Variants in LIMS1 observed in about 807,000 individuals in gnomAD.
The protein encoded by LIMS1 is LIM and senescent cell antigen-like-containing domain protein 1.
LIMS1 carries 18 observed loss-of-function variants against 44.1 expected under a neutral mutation model. The ratio of observed to expected loss-of-function variants is 0.41; its 90% confidence interval spans 0.28 to 0.61. LIMS1 has a LOEUF of 0.61. LIMS1 is among the 20% of genes least tolerant of loss of function. The probability of loss-of-function intolerance (pLI) is 0.32; values close to 1 mark genes in which losing one functional copy is unlikely to be tolerated. For synonymous variants in LIMS1, 93 were observed against 149.1 expected (o/e 0.62, Z 2.74); for missense variants, 201 against 422.0 (o/e 0.48, Z 4.59).
chr2:108,564,530 C>T (rs1239905360), intron 1 of LIMS1, among the ~76,000 whole-genome samples: 1 of 152,048 alleles, frequency 6.6e-6, no homozygotes, highest in Non-Finnish European at 1.5e-5. Flanking sequence ...AGTTTAAAAT[C>T]CACAGAGACC....
intron 1 of LIMS1, among the ~76,000 whole-genome samples, chr2:108,619,223 T>A (rs559908185): frequency 1.5e-4 from 23 of 152,340 alleles, no homozygotes; most frequent in African/African-American, 5.3e-4. Context: ...TTACATTTCC[T>A]ATGGAGACAG....
At chr2:108,562,001 C>T (rs185090507) in intron 1 of LIMS1, among the ~76,000 whole-genome samples, 120 of 152,056 alleles carry the variant, frequency 7.9e-4, no homozygotes, top group Admixed American at 1.8e-3. Flanking sequence ...CTTGGCTTCC[C>T]GAAGTGCTGG....
At chr2:108,549,218 GTTGAC>G (rs915762771) in intron 1 of LIMS1, among the ~76,000 whole-genome samples, 2 of 140,746 alleles carry the variant, frequency 1.4e-5, no homozygotes, top group African/African-American at 5.3e-5. Context: ...TAACTTTTCA[GTTGAC>G]TTGACATTAA....
intron 1 of LIMS1, among the ~76,000 whole-genome samples, chr2:108,644,702 G>A (rs1490005819): frequency 2.0e-5 from 3 of 151,976 alleles, no homozygotes; most frequent in Non-Finnish European, 4.4e-5. Context: ...AAACTCCTCC[G>A]AGCTAAAGGA....
At chr2:108,639,514 G>A (rs765222896) in intron 1 of LIMS1, among the ~76,000 whole-genome samples, 4 of 152,168 alleles carry the variant, frequency 2.6e-5, no homozygotes, top group African/African-American at 4.8e-5. Context: ...GCGCAGTTGC[G>A]CCATCTCAGC....
At chr2:108,601,736 C>A (rs936118183) in intron 1 of LIMS1, among the ~76,000 whole-genome samples, 1 of 152,198 alleles carries the variant, frequency 6.6e-6, no homozygotes, top group Non-Finnish European at 1.5e-5. Context: ...AGGCTGGTCT[C>A]GAACTCCTGA....
intron 1 of LIMS1, among the ~76,000 whole-genome samples, chr2:108,548,921 A>G (rs1380364419): frequency 6.6e-6 from 1 of 152,196 alleles, no homozygotes. Flanking sequence ...GCATTACTGG[A>G]GATTAGCTGA....
intron 1 of LIMS1, among the ~76,000 whole-genome samples, chr2:108,573,492 G>A (rs1028091211): frequency 2.6e-5 from 4 of 152,024 alleles, no homozygotes. Context: ...TTTATTTCTA[G>A]GTGATCCTCA....
chr2:108,653,141 C>G (rs1408006111), intron 1 of LIMS1, among the ~76,000 whole-genome samples: 6 of 152,056 alleles, frequency 3.9e-5, no homozygotes, highest in Non-Finnish European at 8.8e-5. Context: ...TGCTTCCAGT[C>G]CTATCTGGTA....
chr2:108,670,702 C>G, intron 2 of LIMS1, 79 bp from the exon 3 acceptor site: 1 of 1,490,802 alleles, frequency 6.7e-7, no homozygotes, highest in South Asian at 1.1e-5. Flanking sequence ...AAACATCTTT[C>G]CTGTATATCT....
intron 1 of LIMS1, among the ~76,000 whole-genome samples, chr2:108,552,874 A>G (rs1260217134): frequency 6.6e-6 from 1 of 152,076 alleles, no homozygotes; most frequent in East Asian, 1.9e-4. Context: ...CACTGTGCCT[A>G]GTCCAATTTA....
At chr2:108,591,307 G>A (rs1380612110) in intron 1 of LIMS1, among the ~76,000 whole-genome samples, 2 of 152,282 alleles carry the variant, frequency 1.3e-5, no homozygotes, top group East Asian at 1.9e-4. Context: ...TGAACATCCT[G>A]TAGCAAAGGA....
chr2:108,588,667 A>G (rs1686220097), intron 1 of LIMS1: 2 of 911,730 alleles, frequency 2.2e-6, no homozygotes, highest in Non-Finnish European at 2.6e-6. Context: ...CTTATGACCT[A>G]CCTTTCTCAG....
At chr2:108,565,872 G>C (rs1685274945) in intron 1 of LIMS1, among the ~76,000 whole-genome samples, 1 of 152,138 alleles carries the variant, frequency 6.6e-6, no homozygotes. Flanking sequence ...AAAGGACGTG[G>C]AAGTTCCCAC....
intron 1 of LIMS1, among the ~76,000 whole-genome samples, chr2:108,653,556 G>C (rs1690646977): frequency 6.6e-6 from 1 of 152,112 alleles, no homozygotes; most frequent in Non-Finnish European, 1.5e-5. Context: ...TGAGAGGATG[G>C]GGACGTGAGA....
Position 108,534,463 on chromosome 2 carries a change from G to T in LIMS1, c.-100G>T. 1 of 989,864 alleles carries T rather than the reference G, an allele frequency of 1.0e-6. No individual in the cohort carries two copies. Among genetic ancestry groups the T allele is most frequent in the Non-Finnish European group, 1.3e-6 (1 of 785,438 alleles). The allele number at this position is 989,864 out of a possible 1,614,324, so 61.3% of individuals were successfully genotyped here. On this transcript the variant is annotated 5_prime_UTR_variant, in exon 1 of 10. Coordinates refer to ENST00000544547, the Ensembl canonical transcript of LIMS1. The stretch of plus-strand genomic sequence containing the variant: ...GGCCTTCCTCCCCTTCCTGCTCCGG[G>T]CCCGCCAGTAGCCGGCCGCGGCGGC...
chr2:108,558,423 A>G (rs1573325279), intron 1 of LIMS1, among the ~76,000 whole-genome samples: 1 of 151,646 alleles, frequency 6.6e-6, no homozygotes, highest in Non-Finnish European at 1.5e-5. Context: ...GTTAGCCAGG[A>G]TGGTCTCGAT....
At chr2:108,598,869 G>T (rs1308422024) in intron 1 of LIMS1, among the ~76,000 whole-genome samples, 3 of 151,864 alleles carry the variant, frequency 2.0e-5, no homozygotes, top group Non-Finnish European at 4.4e-5. Context: ...CTATAGTAAT[G>T]ATATTTTGTT....
intron 1 of LIMS1, among the ~76,000 whole-genome samples, chr2:108,606,021 G>T (rs1311602420): frequency 6.6e-6 from 1 of 152,230 alleles, no homozygotes; most frequent in African/African-American, 2.4e-5. Context: ...CAAGTACCAG[G>T]TTCCTGCTGC....
Sources: gnomAD v4.1 joint callset for allele counts (sites outside exome capture counted in the v4.1 genomes callset) on GRCh38, gnomAD v4.1.1 for gene constraint, MANE v1.5 for transcripts, NCBI Gene and HGNC (gene_info 2026-07-23, HGNC 2026-07-21) for gene names.